Variants in USP54 observed in about 807,000 individuals in gnomAD.
USP54 encodes the protein ubiquitin specific peptidase 54.
In USP54, 87 loss-of-function variants were observed where a neutral mutation model predicts 170.5. That is an observed-to-expected ratio of 0.51 (90% CI 0.43 to 0.61). The LOEUF (loss-of-function observed/expected upper bound fraction) is 0.61. Ranked by LOEUF, USP54 falls within the 20% of genes least tolerant of loss-of-function variation. The probability of loss-of-function intolerance (pLI) is 0.00; values close to 1 mark genes in which losing one functional copy is unlikely to be tolerated. For synonymous variants in USP54, 655 were observed against 742.8 expected, an observed-to-expected ratio of 0.88 and a Z score of 1.92; for missense variants, 1,786 against 2,047.8, an observed-to-expected ratio of 0.87 and a Z score of 2.47.
chr10:73,608,746 A>C (rs2079885324), intron 1 of USP54, among the ~76,000 whole-genome samples: 1 of 152,052 alleles, frequency 6.6e-6, no homozygotes, highest in Non-Finnish European at 1.5e-5. Context: ...AAATATAAAA[A>C]ATTAGCAGGG....
intron 12 of USP54, among the ~76,000 whole-genome samples, chr10:73,531,866 G>T (rs1224285699): frequency 6.6e-6 from 1 of 152,010 alleles, no homozygotes; most frequent in African/African-American, 2.4e-5. Context: ...GCAAAAGTCA[G>T]ATTCTAAAGG....
At position 73,529,707 on chromosome 10, in the gene USP54, G is replaced by A; in HGVS notation, c.2033C>T (p.Ala678Val). The change falls in exon 15 of 24, where the codon GCC becomes GTC. Residue 678 changes from alanine to valine, a missense_variant. Coordinates refer to ENST00000687698, the MANE Select transcript of USP54 (RefSeq NM_001391956.1). ...NSSSPVSLDA[A>V]LPESSNVYRD... ...GTAGACATTTGAGCTCTCAGGCAGG[G>A]CTGCATCCAGGCTGACAGGGCTGCT... is the stretch of plus-strand genomic sequence containing the variant. 2.5e-6 allele frequency: 4 copies of A among 1,613,996 alleles called. No homozygotes were observed. In the South Asian group the frequency reaches 4.4e-5, roughly 18 times the overall value.
intron 1 of USP54, among the ~76,000 whole-genome samples, chr10:73,625,233 CTTTAT>C (rs1326949939): frequency 6.7e-6 from 1 of 150,186 alleles, no homozygotes; most frequent in Non-Finnish European, 1.5e-5. Context: ...CTACCCTGCG[CTTTAT>C]TTTAGAGTAG....
Position 73,516,820 on chromosome 10 carries a change from G to A in USP54, c.3606C>T (p.Ser1202=), listed in dbSNP as rs778596155. 1 of 1,614,218 alleles carries A rather than the reference G, an allele frequency of 6.2e-7. No individual in the cohort carries two copies. The highest frequency in any genetic ancestry group is 1.7e-5 in the Admixed American group (1 of 60,018). Residue 1202 remains serine (S), a synonymous_variant, in exon 20 of 24, where the codon TCC becomes TCT. Transcript: ENST00000687698. The part of the protein sequence containing the change: ...GGDRPLSWEE[S]TEHSSLALNS... ...TTAAGGCAAGAGAAGAATGTTCAGT[G>A]GACTCTTCCCAGGAAAGTGGTCTAT...
intron 1 of USP54, among the ~76,000 whole-genome samples, chr10:73,607,983 C>T (rs992135566): frequency 2.0e-5 from 3 of 152,068 alleles, no homozygotes; most frequent in East Asian, 1.9e-4. Context: ...CAGATTTGGC[C>T]GGGCACGGTG....
intron 1 of USP54, among the ~76,000 whole-genome samples, chr10:73,610,320 A>G (rs999860614): frequency 3.9e-5 from 6 of 152,196 alleles, no homozygotes; most frequent in African/African-American, 1.2e-4. Context: ...TGCCAGCTTT[A>G]TATCAGAAAC....
At chr10:73,538,952 A>C (rs1239548102) in intron 10 of USP54, among the ~76,000 whole-genome samples, 1 of 152,140 alleles carries the variant, frequency 6.6e-6, no homozygotes, top group Admixed American at 6.6e-5. Context: ...AGACAAAATG[A>C]TACCTTCATG....
chr10:73,587,584 G>A (rs1407892287), intron 1 of USP54, among the ~76,000 whole-genome samples: 3 of 152,140 alleles, frequency 2.0e-5, no homozygotes, highest in Non-Finnish European at 2.9e-5. Flanking sequence ...AGAACATTAT[G>A]TGAATTATAC....
At chr10:73,540,979 T>C (rs1392450187) in intron 9 of USP54, among the ~76,000 whole-genome samples, 2 of 152,226 alleles carry the variant, frequency 1.3e-5, no homozygotes, top group Admixed American at 6.5e-5. Flanking sequence ...TCACCTACTA[T>C]AGCAGTTCTA....
In USP54 at chr10:73,517,673, C is replaced by T. The variant is rs1205657007; in HGVS notation, c.2753G>A (p.Gly918Glu). 5.6e-6 allele frequency: 9 copies of T among 1,614,022 alleles called. No individual in the cohort carries two copies. The highest frequency in any genetic ancestry group is 1.3e-5 in the African/African-American group (1 of 74,918). The change falls in exon 20 of 24, where the codon GGG (glycine) becomes GAG (glutamate). Residue 918 changes from glycine to glutamate, a missense_variant. Physicochemically the swap from Gly to Glu is moderately conservative, Grantham distance 98 (BLOSUM62 -2). Around this residue, in one of 3 missense-constraint regions of USP54, gnomAD observed 1,418 missense variants for 1,569.0 expected, o/e 0.90. Transcript: ENST00000687698. The part of the protein sequence containing the change: ...QLESGMDTEF[G>E]ASSFFHSPAS... ...AGGTGAATGGAAGAAAGAACTGGCC[C>T]CAAACTCTGTATCCATGCCGGATTC... is the stretch of plus-strand genomic sequence containing the variant.
At chr10:73,517,798 A>G (rs1168455849) in intron 19 of USP54, 51 bp from the exon 20 acceptor site, 2 of 1,539,736 alleles carry the variant, frequency 1.3e-6, no homozygotes, top group East Asian at 4.5e-5. Context: ...TGACAGGAAC[A>G]CTTACAGAAA....
chr10:73,572,879 C>T (rs2075440881), intron 3 of USP54, among the ~76,000 whole-genome samples: 1 of 152,050 alleles, frequency 6.6e-6, no homozygotes, highest in Non-Finnish European at 1.5e-5. Context: ...AAAACAATTA[C>T]AAAAATGGGA....
chr10:73,527,191 C>A (rs2063026188), intron 15 of USP54, among the ~76,000 whole-genome samples: 1 of 152,112 alleles, frequency 6.6e-6, no homozygotes, highest in Non-Finnish European at 1.5e-5. Flanking sequence ...CTTTTCAAAG[C>A]AGCTCTACTA....
Position 73,534,691 on chromosome 10 carries a change from C to A in USP54, c.1224G>T (p.Glu408Asp), listed in dbSNP as rs1410175794. The A allele has an allele frequency of 6.2e-7, 1 of 1,613,998 alleles. No individual in the cohort carries two copies. The highest frequency in any genetic ancestry group is 8.5e-7 in the Non-Finnish European group (1 of 1,180,012). ...CAGAAGAGAAGTGACTGACCACAGACTCATGGTGGGAATGTTTGTAGGGAT... is the reference window on the plus strand; with the variant it reads ...CAGAAGAGAAGTGACTGACCACAGAATCATGGTGGGAATGTTTGTAGGGAT... ...ESYPYKHSHH[E>D]SVVSHFSSDS... Residue 408 changes from glutamate (E) to aspartate (D), a missense_variant, in exon 12 of 24, where the codon GAG becomes GAT. Around this residue, in one of 3 missense-constraint regions of USP54, gnomAD observed 1,418 missense variants for 1,569.0 expected, o/e 0.90. Coordinates refer to ENST00000687698, the MANE Select transcript of USP54 (RefSeq NM_001391956.1).
chr10:73,500,116 G>A (rs2057774511), intron 23 of USP54, among the ~76,000 whole-genome samples: 1 of 152,154 alleles, frequency 6.6e-6, no homozygotes, highest in African/African-American at 2.4e-5. Context: ...GGAAAAAAGA[G>A]AACATCTCAC....
rs773359621 is a variant in USP54 at position 73,575,624 on chromosome 10, C to T, written c.35G>A (p.Arg12His). The change falls in exon 3 of 24, where the codon CGT becomes CAT. Residue 12 changes from arginine (R) to histidine (H), a missense_variant. By Grantham distance (29) the Arg-to-His change is conservative. Around this residue, in one of 3 missense-constraint regions of USP54, gnomAD observed 361 missense variants for 455.0 expected, o/e 0.79. Transcript: ENST00000687698. ...TGCAAACATCCCTTGTACACTACCA[C>T]GACCCCCTGAAAAATAATTTCTCTT... ...SWKRNYFSGG[R>H]GSVQGMFAPR... is the part of the protein sequence containing the mutation. The T allele has an allele frequency of 7.9e-5, 128 of 1,610,322 alleles. No homozygotes were observed. Among genetic ancestry groups the T allele is most frequent in the African/African-American group, 2.9e-4 (22 of 74,692 alleles).
At chr10:73,503,860 GTA>G (rs564974838) in intron 22 of USP54, among the ~76,000 whole-genome samples, 207 of 152,214 alleles carry the variant, frequency 1.4e-3, no homozygotes, top group African/African-American at 4.6e-3. Context: ...AGCCTCCCGA[GTA>G]GCTAGGACTA....
intron 1 of USP54, chr10:73,624,390 G>GGGC (rs1385923854): frequency 2.1e-5 from 2 of 93,996 alleles, no homozygotes; most frequent in East Asian, 6.9e-4. Flanking sequence ...AGTAGAGACG[G>GGGC]GGGGGGGGGG....
intron 1 of USP54, among the ~76,000 whole-genome samples, chr10:73,605,526 C>A (rs958766954): frequency 2.6e-5 from 4 of 151,766 alleles, no homozygotes; most frequent in African/African-American, 9.7e-5. Context: ...GACTCTGTCT[C>A]AAAAAATAAA....
Sources: gnomAD v4.1 joint callset for allele counts (sites outside exome capture counted in the v4.1 genomes callset) on GRCh38, gnomAD v4.1.1 for gene constraint, gnomAD v4.1.1 regional missense constraint, MANE v1.5 for transcripts, NCBI Gene and HGNC (gene_info 2026-07-23, HGNC 2026-07-21) for gene names.